HPSE2: variants seen among roughly 807,000 people sequenced by gnomAD.
HPSE2 encodes inactive heparanase-2.
HPSE2 carries 38 observed loss-of-function variants against 60.5 expected under a neutral mutation model. The observed-to-expected ratio is 0.63, with a 90% CI of 0.48 to 0.82. The LOEUF is 0.82. HPSE2 is among the 40% of genes least tolerant of loss of function. HPSE2 has a pLI of 0.00. For synonymous variants in HPSE2, 295 were observed against 293.2 expected, an observed-to-expected ratio of 1.01 and a Z score of -0.06; for missense variants, 713 against 740.4, an observed-to-expected ratio of 0.96 and a Z score of 0.43.
chr10:98,804,592 C>T (rs1333747543), intron 3 of HPSE2, among the ~76,000 whole-genome samples: 1 of 152,046 alleles, frequency 6.6e-6, no homozygotes, highest in African/African-American at 2.4e-5. Flanking sequence ...TACCATCTCA[C>T]CCCATTTAAA....
chr10:98,764,304 C>T (rs1198700152), intron 3 of HPSE2, among the ~76,000 whole-genome samples: 1 of 151,446 alleles, frequency 6.6e-6, no homozygotes, highest in Non-Finnish European at 1.5e-5. Context: ...TTCATTTAAT[C>T]CAAACAATGG....
intron 2 of HPSE2, among the ~76,000 whole-genome samples, chr10:99,170,874 C>T (rs1847281423): frequency 6.6e-6 from 1 of 152,158 alleles, no homozygotes; most frequent in Non-Finnish European, 1.5e-5. Flanking sequence ...TGTGTCTATA[C>T]AGGTACAGAC....
At chr10:98,732,156 T>C (rs1285203384) in intron 4 of HPSE2, among the ~76,000 whole-genome samples, 2 of 152,128 alleles carry the variant, frequency 1.3e-5, no homozygotes, top group African/African-American at 4.8e-5. Context: ...AAATGGGAGA[T>C]AATCTAAGCT....
At chr10:98,572,142 T>A (rs184542871) in intron 9 of HPSE2, among the ~76,000 whole-genome samples, 95 of 152,206 alleles carry the variant, frequency 6.2e-4, no homozygotes, top group African/African-American at 2.1e-3. Context: ...GGTTTCACTA[T>A]GTTGGCCAGG....
At chr10:98,612,432 C>T (rs1460908106) in intron 9 of HPSE2, among the ~76,000 whole-genome samples, 2 of 152,180 alleles carry the variant, frequency 1.3e-5, no homozygotes, top group African/African-American at 4.8e-5. Context: ...CTTTTTAGAG[C>T]AATTATGACA....
chr10:99,039,043 G>T (rs1018233919), intron 3 of HPSE2, among the ~76,000 whole-genome samples: 1 of 152,082 alleles, frequency 6.6e-6, no homozygotes, highest in East Asian at 1.9e-4. Context: ...TCAGTCTTCA[G>T]AGGGCGCGTA....
At chr10:99,169,654 T>G (rs922903209) in intron 2 of HPSE2, among the ~76,000 whole-genome samples, 15 of 150,486 alleles carry the variant, frequency 1.0e-4, no homozygotes, top group Admixed American at 8.7e-4. Context: ...GTTATCAGAA[T>G]AGCAGAATTT....
At chr10:99,229,780 C>T (rs1849586767) in intron 2 of HPSE2, among the ~76,000 whole-genome samples, 1 of 152,178 alleles carries the variant, frequency 6.6e-6, no homozygotes, top group Non-Finnish European at 1.5e-5. Flanking sequence ...TAAGTAAATA[C>T]ATTTTTTAAT....
chr10:98,514,213 A>G (rs1011827529), intron 9 of HPSE2, among the ~76,000 whole-genome samples: 1 of 152,186 alleles, frequency 6.6e-6, no homozygotes, highest in Non-Finnish European at 1.5e-5. Context: ...TATATGAATG[A>G]TCTAGAATAG....
At chr10:98,529,582 C>A (rs1272477346) in intron 9 of HPSE2, among the ~76,000 whole-genome samples, 1 of 152,160 alleles carries the variant, frequency 6.6e-6, no homozygotes, top group Non-Finnish European at 1.5e-5. Flanking sequence ...TCTCTAGTTT[C>A]TTTATCAAGC....
chr10:98,818,050 T>C lies in HPSE2; in HGVS notation c.611-73994A>G, dbSNP rs1224882200. 2.6e-5 allele frequency among the ~76,000 whole-genome samples: 4 copies of C among 152,208 alleles called. No individual in the cohort carries two copies. The East Asian group carries it at 7.7e-4, about 29-fold the overall frequency. The stretch of plus-strand genomic sequence containing the variant: ...GCATATATGAAAAGTTGGCCCTCCA[T>C]ATATGCAGCTTTTGCATCCTGTGAA... On this transcript the variant is annotated intron_variant, in intron 3 of 11. Coordinates refer to ENST00000370552, the MANE Select transcript of HPSE2 (RefSeq NM_021828.5).
rs113610628 is a variant in HPSE2, at chr10:98,590,598, A to G, written c.1320+24306T>C. ...CCATGATGCGCTTATCTGTTGATAG[A>G]CATGTCACATAAGCATTTCTCCAGT... is the stretch of plus-strand genomic sequence containing the variant. On this transcript the variant is annotated intron_variant, in intron 9 of 11. Coordinates refer to ENST00000370552, the MANE Select transcript of HPSE2 (RefSeq NM_021828.5). Among the ~76,000 whole-genome samples, 654 of 152,346 alleles carry G rather than the reference A, an allele frequency of 4.3e-3. 3 individuals carry two copies. The highest frequency in any genetic ancestry group is 0.015 in the African/African-American group (631 of 41,570).
chr10:98,970,992 G>A (rs1955938322), intron 3 of HPSE2, among the ~76,000 whole-genome samples: 1 of 152,112 alleles, frequency 6.6e-6, no homozygotes, highest in South Asian at 2.1e-4. Flanking sequence ...AGAAGCCTCT[G>A]GTATCATCTT....
At chr10:99,027,953 A>G (rs184245081) in intron 3 of HPSE2, among the ~76,000 whole-genome samples, 2 of 152,280 alleles carry the variant, frequency 1.3e-5, no homozygotes, top group Non-Finnish European at 2.9e-5. Flanking sequence ...AAAATTTACC[A>G]TCCCTTCATA....
At chr10:98,770,642 T>TCTCCTCGCCTCCCCTTCCCCC (rs1340925975) in intron 3 of HPSE2, among the ~76,000 whole-genome samples, 1 of 151,930 alleles carries the variant, frequency 6.6e-6, no homozygotes, top group African/African-American at 2.4e-5. Flanking sequence ...TGCCTTCCCT[T>TCTCCTCGCCTCCCCTTCCCCC]CTCCTCGCCT....
At chr10:99,066,354 A>G (rs2135535883) in intron 3 of HPSE2, among the ~76,000 whole-genome samples, 1 of 152,354 alleles carries the variant, frequency 6.6e-6, no homozygotes, top group Middle Eastern at 3.4e-3. Context: ...TTCTACCTTA[A>G]GAACCTAGAA....
the HPSE2 span, among the ~76,000 whole-genome samples, chr10:99,315,524 G>A: frequency 2.0e-5 from 3 of 152,198 alleles, no homozygotes; most frequent in South Asian, 2.1e-4. Context: ...GAGGTGAAAA[G>A]CGAAGCGAGG....
At chr10:99,158,936 G>A (rs990529658) in intron 2 of HPSE2, among the ~76,000 whole-genome samples, 4 of 151,998 alleles carry the variant, frequency 2.6e-5, no homozygotes, top group Non-Finnish European at 4.4e-5. Flanking sequence ...AATTTGAATG[G>A]ACTAAACAGT....
At chr10:98,935,910 C>G (rs1954774797) in intron 3 of HPSE2, among the ~76,000 whole-genome samples, 1 of 144,846 alleles carries the variant, frequency 6.9e-6, no homozygotes, top group Non-Finnish European at 1.5e-5. Context: ...CCACAGCCAC[C>G]CCTCCCACCA....
Sources: allele counts gnomAD v4.1 joint callset (sites outside exome capture counted in the v4.1 genomes callset), GRCh38; gene constraint gnomAD v4.1.1; transcripts MANE v1.5; gene names NCBI Gene and HGNC (gene_info 2026-07-23, HGNC 2026-07-21).